The following CNIH4 variants were observed in gnomAD, a reference collection of about 807,000 sequenced individuals.
CNIH4 encodes the protein cornichon family member 4, also known as protein cornichon homolog 4.
CNIH4 carries 9 observed loss-of-function variants against 21.5 expected under a neutral mutation model. The observed-to-expected ratio is 0.42, with a 90% confidence interval of 0.25 to 0.73. The LOEUF (loss-of-function observed/expected upper bound fraction) is 0.73. Ranked by LOEUF, CNIH4 falls within the 30% of genes least tolerant of loss-of-function variation. The probability of loss-of-function intolerance (pLI) is 0.27; values close to 1 mark genes in which losing one functional copy is unlikely to be tolerated. For missense variants in CNIH4, 159 were observed against 170.0 expected, an observed-to-expected ratio of 0.94 and a Z score of 0.36; for synonymous variants, 67 against 59.1, an observed-to-expected ratio of 1.13 and a Z score of -0.61.
At position 224,371,341 on chromosome 1, in the gene CNIH4, C is replaced by G. The variant is rs1359924899; in HGVS notation, c.310C>G (p.Arg104Gly). The change falls in exon 4 of 5, where the codon CGA becomes GGA. Residue 104 changes from arginine (R) to glycine (G), a missense_variant. Transcript: ENST00000465271. Reference sequence around the variant, plus strand: ...GTTTGATCCAACAGAAATACACAATCGAGGGCAGCTGAAGTCACACATGAA... The same window carrying G: ...GTTTGATCCAACAGAAATACACAATGGAGGGCAGCTGAAGTCACACATGAA... ...GVFDPTEIHN[R>G]GQLKSHMKEA... 1.5e-5 allele frequency: 24 copies of G among 1,613,998 alleles called. No homozygotes were observed. The highest frequency in any genetic ancestry group is 2.0e-5 in the Non-Finnish European group (24 of 1,179,952).
chr1:224,378,010 C>G lies in CNIH4; in HGVS notation c.*2188C>G, dbSNP rs1400790041. 6.6e-6 allele frequency: 1 copy of G among 151,992 alleles called. No individual in the cohort carries two copies. The highest frequency in any genetic ancestry group is 1.5e-5 in the Non-Finnish European group (1 of 68,012). 9.4% of individuals were successfully genotyped at this position (151,992 alleles called of 1,614,324 possible). A position where few individuals can be genotyped will look rare whatever the true frequency, so the allele number is the denominator to read the frequency against. On this transcript the variant is annotated 3_prime_UTR_variant, in exon 5 of 5. Transcript: ENST00000465271. ...ACAAAAACTCTTCCTTCTTGTATTG[C>G]TTGTCTATCAAAGCCAGGAAAGTGG...
At chr1:224,360,623 A>G in intron 2 of CNIH4, 60 bp downstream of exon 2, 1 of 812,502 alleles carries the variant, frequency 1.2e-6, no homozygotes, top group South Asian at 2.5e-5. Flanking sequence ...CATACTTAAG[A>G]TTATTATAGA....
chr1:224,356,831 C>T, upstream of CNIH4: 1 of 1,080,396 alleles, frequency 9.3e-7, no homozygotes, highest in Non-Finnish European at 1.4e-6. Context: ...TCGAGGACCA[C>T]ACGCCTCAGC....
chr1:224,361,937 A>G (rs1672299963), intron 2 of CNIH4, among the ~76,000 whole-genome samples: 1 of 152,108 alleles, frequency 6.6e-6, no homozygotes, highest in African/African-American at 2.4e-5. Flanking sequence ...GAGGCCTTCC[A>G]TGTTTGAAAA....
At chr1:224,358,536 C>A (rs1672182358) in intron 1 of CNIH4, among the ~76,000 whole-genome samples, 1 of 152,194 alleles carries the variant, frequency 6.6e-6, no homozygotes, top group South Asian at 2.1e-4. Context: ...TGTGGCCCAA[C>A]ACAAATTTGT....
At chr1:224,371,772 G>A (rs1044931412) in intron 4 of CNIH4, among the ~76,000 whole-genome samples, 5 of 152,050 alleles carry the variant, frequency 3.3e-5, no homozygotes, top group Admixed American at 2.0e-4. Context: ...GAGAAACACC[G>A]ACTCTACTAA....
chr1:224,371,534 G>A, intron 4 of CNIH4, 111 bp downstream of exon 4: 1 of 1,059,750 alleles, frequency 9.4e-7, no homozygotes, highest in Non-Finnish European at 1.4e-6. Context: ...CGGGGATTAT[G>A]TAAATTCCTT....
intron 2 of CNIH4, among the ~76,000 whole-genome samples, chr1:224,360,793 C>T (rs889293659): frequency 3.9e-5 from 6 of 152,030 alleles, no homozygotes; most frequent in African/African-American, 9.7e-5. Flanking sequence ...TTGTTTACAG[C>T]GGATAGCATC....
Position 224,376,903 on chromosome 1 carries a change from A to G in CNIH4, c.*1081A>G, listed in dbSNP as rs1052449187. On this transcript the variant is annotated 3_prime_UTR_variant, in exon 5 of 5. Transcript: ENST00000465271. ...ATCCTCAGTCCTAGTTTGTGGTTTA[A>G]TGTTGCTATCTTAAGCACTGGCATT... is the stretch of plus-strand genomic sequence containing the variant. 1 of 985,314 alleles carries G rather than the reference A, an allele frequency of 1.0e-6. No homozygotes were observed. The highest frequency in any genetic ancestry group is 6.1e-5 in the Admixed American group (1 of 16,270). The allele number at this position is 985,314 out of a possible 1,614,324, so 61.0% of individuals were successfully genotyped here.
intron 1 of CNIH4, among the ~76,000 whole-genome samples, chr1:224,359,262 T>C (rs1378469657): frequency 6.6e-6 from 1 of 152,182 alleles, no homozygotes; most frequent in African/African-American, 2.4e-5. Context: ...TTCGGTAGTT[T>C]ATTAGGAAGA....
chr1:224,373,674 A>C (rs1357346868), intron 4 of CNIH4, among the ~76,000 whole-genome samples: 1 of 152,030 alleles, frequency 6.6e-6, no homozygotes. Context: ...CTAAATATAC[A>C]AAAATTGGCC....
At position 224,375,948 on chromosome 1, in the gene CNIH4, T is replaced by TA; in HGVS notation, c.*127dup. 1 of 1,367,888 alleles carries TA rather than the reference T, an allele frequency of 7.3e-7. No homozygotes were observed. The highest frequency in any genetic ancestry group is 9.5e-7 in the Non-Finnish European group (1 of 1,052,416). 84.7% of individuals were successfully genotyped at this position (1,367,888 alleles called of 1,614,324 possible). On this transcript the variant is annotated 3_prime_UTR_variant, in exon 5 of 5. Coordinates refer to ENST00000465271, the MANE Select transcript of CNIH4 (RefSeq NM_014184.4). ...ATATTTTCCTCTTGGAACAAAAAAC[T>TA]ATTTTTGCTGTATTTTTACCATATA...
chr1:224,365,329 G>A (rs952597869), intron 2 of CNIH4, among the ~76,000 whole-genome samples: 1 of 152,224 alleles, frequency 6.6e-6, no homozygotes, highest in Non-Finnish European at 1.5e-5. Flanking sequence ...ATGGAGCTCT[G>A]TAAAGCCGAT....
At chr1:224,357,626 A>G (rs1672155180) in intron 1 of CNIH4, 1 of 152,210 alleles carries the variant, frequency 6.6e-6, no homozygotes, top group South Asian at 2.1e-4. Context: ...AGTGTTGGAA[A>G]GGAGTTGTTT....
chr1:224,372,601 G>A (rs1043779485), intron 4 of CNIH4, among the ~76,000 whole-genome samples: 3 of 151,314 alleles, frequency 2.0e-5, no homozygotes, highest in Admixed American at 1.3e-4. Flanking sequence ...TTTGTTTTTC[G>A]AGACAGAGTC....
intron 4 of CNIH4, 107 bp from the exon 5 acceptor site, chr1:224,375,669 GAATGATTGTCTTTTACTCA>G: frequency 2.0e-6 from 2 of 1,020,008 alleles, no homozygotes; most frequent in Non-Finnish European, 2.9e-6. Flanking sequence ...CTTTGGGTAT[GAATGATTGTCTTTTACTCA>G]AATGATTGTT....
intron 1 of CNIH4, 196 bp downstream of exon 1, chr1:224,357,189 C>T: frequency 1.7e-6 from 1 of 592,610 alleles, no homozygotes; most frequent in East Asian, 2.9e-5. Context: ...CCCGACGGGC[C>T]CTGCTGCCCT....
rs987811989 is a variant in CNIH4, at chr1:224,364,186, G to A, written c.139-1693G>A. 3.0e-5 allele frequency: 30 copies of A among 983,662 alleles called. No homozygotes were observed. The South Asian group carries it at 3.3e-4, about 11-fold the overall frequency. 60.9% of individuals were successfully genotyped at this position (983,662 alleles called of 1,614,324 possible). A position where few individuals can be genotyped will look rare whatever the true frequency, so the allele number is the denominator to read the frequency against. ...GAGAATCACTTGAGCCCAGCGGTTC[G>A]AGACCAGCTCTGGTAACATAGGGAG... is the stretch of plus-strand genomic sequence containing the variant. On this transcript the variant is annotated intron_variant, in intron 2 of 4. Transcript: ENST00000465271.
chr1:224,376,471 A>C lies in CNIH4; in HGVS notation c.*649A>C. ...TATTTTGTCAAGAGCTTTCATTTAA[A>C]AGCTACTACCTCCACAATCACCCCC... On this transcript the variant is annotated 3_prime_UTR_variant, in exon 5 of 5. Coordinates refer to ENST00000465271, the MANE Select transcript of CNIH4 (RefSeq NM_014184.4). 2 of 985,426 alleles carry C rather than the reference A, an allele frequency of 2.0e-6. No homozygotes were observed. Among genetic ancestry groups the C allele is most frequent in the Non-Finnish European group, 2.4e-6 (2 of 829,934 alleles). The allele number at this position is 985,426 out of a possible 1,614,324, so 61.0% of individuals were successfully genotyped here. A position where few individuals can be genotyped will look rare whatever the true frequency, so the allele number is the denominator to read the frequency against.
Sources: gnomAD v4.1 joint callset for allele counts (sites outside exome capture counted in the v4.1 genomes callset) on GRCh38, gnomAD v4.1.1 for gene constraint, MANE v1.5 for transcripts, NCBI Gene and HGNC (gene_info 2026-07-23, HGNC 2026-07-21) for gene names.